The following MAML2 variants were observed in gnomAD, a reference collection of about 807,000 sequenced individuals.
MAML2 encodes mastermind-like protein 2.
Under a neutral mutation model 96.1 loss-of-function variants are expected in MAML2, and 22 were observed. That is an observed-to-expected ratio of 0.23 (90% CI 0.16 to 0.33). MAML2 has a LOEUF of 0.33. MAML2 is among the 10% of genes least tolerant of loss of function. The pLI is 1.00. For missense variants in MAML2, 1,367 were observed against 1,392.4 expected (o/e 0.98, Z 0.29); for synonymous variants, 561 against 521.3 (o/e 1.08, Z -1.04).
intron 1 of MAML2, among the ~76,000 whole-genome samples, chr11:96,325,102 A>T (rs970552835): frequency 2.4e-4 from 36 of 151,994 alleles, no homozygotes; most frequent in African/African-American, 8.5e-4. Flanking sequence ...CATGATTGCC[A>T]TTCTTTCTAG....
At chr11:96,093,563 C>T in intron 1 of MAML2, 46 bp from the exon 2 acceptor site, 3 of 1,248,110 alleles carry the variant, frequency 2.4e-6, no homozygotes, top group Non-Finnish European at 3.4e-6. Flanking sequence ...AAATATGAAT[C>T]CAATGATGCT....
At position 96,322,734 on chromosome 11, in the gene MAML2, T is replaced by C. The variant is rs189233855; in HGVS notation, c.513+18649A>G. Among the ~76,000 whole-genome samples the C allele has an allele frequency of 2.0e-3, 307 of 152,154 alleles. 3 individuals are homozygous for C. Among genetic ancestry groups the C allele is most frequent in the Admixed American group, 0.018 (276 of 15,296 alleles). On this transcript the variant is annotated intron_variant, in intron 1 of 4. Coordinates refer to ENST00000524717, the MANE Select transcript of MAML2 (RefSeq NM_032427.4). ...GAAAATGCCTAGATAGATAACAAAA[T>C]AGATAACAAAAGTCCAACGTAAAGG...
intron 1 of MAML2, among the ~76,000 whole-genome samples, chr11:96,200,688 A>G (rs1196541871): frequency 1.3e-5 from 2 of 152,146 alleles, no homozygotes; most frequent in Non-Finnish European, 2.9e-5. Flanking sequence ...GACTTTGACA[A>G]GTTAACATCT....
At chr11:96,213,870 G>A (rs375680621) in intron 1 of MAML2, among the ~76,000 whole-genome samples, 22 of 152,250 alleles carry the variant, frequency 1.4e-4, no homozygotes, top group African/African-American at 5.3e-4. Context: ...AAAAGTGGTC[G>A]GTTCCCTGGG....
chr11:95,978,378 G>A lies in MAML2; in HGVS notation c.*570C>T, dbSNP rs1213724295. 1 of 196,722 alleles carries A rather than the reference G, an allele frequency of 5.1e-6. No homozygotes were observed. The highest frequency in any genetic ancestry group is 8.0e-5 in the East Asian group (1 of 12,490). 12.2% of individuals were successfully genotyped at this position (196,722 alleles called of 1,614,324 possible). ...GGAGTGAATATGGGGAAGAAATTCT[G>A]TAATCCACTGGATGTTTTCTAGGTT... On this transcript the variant is annotated 3_prime_UTR_variant, in exon 5 of 5. Transcript: ENST00000524717.
chr11:96,153,209 G>A lies in MAML2; in HGVS notation c.514-59692C>T, dbSNP rs147766973. On this transcript the variant is annotated intron_variant, in intron 1 of 4. Coordinates refer to ENST00000524717, the MANE Select transcript of MAML2 (RefSeq NM_032427.4). ...GGTCCCAATTAGTCCAAAACAATGA[G>A]GCATCCCTTAATCCCAAATGACGCT... 3.2e-3 allele frequency among the ~76,000 whole-genome samples: 477 copies of A among 149,948 alleles called. 2 individuals carry two copies. Among genetic ancestry groups the A allele is most frequent in the Middle Eastern group, 0.01 (3 of 292 alleles).
chr11:96,331,218 A>G (rs370362514), intron 1 of MAML2, among the ~76,000 whole-genome samples: 1 of 152,092 alleles, frequency 6.6e-6, no homozygotes, highest in Non-Finnish European at 1.5e-5. Flanking sequence ...TGCAGTAAGC[A>G]GAGATTGTGC....
At chr11:96,172,004 A>G (rs547743405) in intron 1 of MAML2, among the ~76,000 whole-genome samples, 1 of 152,336 alleles carries the variant, frequency 6.6e-6, no homozygotes, top group African/African-American at 2.4e-5. Context: ...TTCCAACAAT[A>G]TTGTCCCACA....
At chr11:96,090,928 T>C (rs1432057588) in intron 2 of MAML2, among the ~76,000 whole-genome samples, 1 of 152,256 alleles carries the variant, frequency 6.6e-6, no homozygotes, top group East Asian at 1.9e-4. Flanking sequence ...TATAATGTGC[T>C]ATCTTTGTGC....
intron 1 of MAML2, among the ~76,000 whole-genome samples, chr11:96,284,972 G>A (rs1182952261): frequency 6.6e-6 from 1 of 152,140 alleles, no homozygotes; most frequent in Non-Finnish European, 1.5e-5. Context: ...GTATATGGCT[G>A]GATGGAGTTG....
intron 1 of MAML2, among the ~76,000 whole-genome samples, chr11:96,094,962 C>T (rs1460098496): frequency 6.6e-6 from 1 of 152,150 alleles, no homozygotes; most frequent in Non-Finnish European, 1.5e-5. Flanking sequence ...ATATCAAACA[C>T]TTGAATATGG....
chr11:96,295,866 C>T (rs1863289187), intron 1 of MAML2, among the ~76,000 whole-genome samples: 1 of 147,760 alleles, frequency 6.8e-6, no homozygotes. Flanking sequence ...CTTCATACAC[C>T]CTAAAACTGT....
rs1411637717 is a variant in MAML2 at position 96,135,401 on chromosome 11, A to G, written c.514-41884T>C. The stretch of plus-strand genomic sequence containing the variant: ...CTAAGACAATACATTATCTCATTTC[A>G]TCCTCACACCAGGCCTATCAGTTAG... On this transcript the variant is annotated intron_variant, in intron 1 of 4. Transcript: ENST00000524717. Among the ~76,000 whole-genome samples the G allele has an allele frequency of 2.0e-5, 3 of 152,142 alleles. No individual in the cohort carries two copies. In the East Asian group the frequency reaches 5.8e-4, roughly 29 times the overall value.
intron 1 of MAML2, among the ~76,000 whole-genome samples, chr11:96,268,567 G>A (rs1263957051): frequency 6.6e-6 from 1 of 152,180 alleles, no homozygotes; most frequent in African/African-American, 2.4e-5. Context: ...TACTTACAAG[G>A]AAAATTGGTA....
At chr11:96,332,628 A>C (rs1300586212) in intron 1 of MAML2, among the ~76,000 whole-genome samples, 1 of 152,238 alleles carries the variant, frequency 6.6e-6, no homozygotes, top group Non-Finnish European at 1.5e-5. Context: ...CGAAACAACC[A>C]AATGGGATAA....
intron 1 of MAML2, among the ~76,000 whole-genome samples, chr11:96,154,814 G>A (rs1371463096): frequency 6.6e-6 from 1 of 152,150 alleles, no homozygotes; most frequent in Non-Finnish European, 1.5e-5. Flanking sequence ...GAGCAGAAAG[G>A]GCACCTTAAC....
chr11:96,036,510 C>T (rs1424454150), intron 2 of MAML2, among the ~76,000 whole-genome samples: 4 of 152,138 alleles, frequency 2.6e-5, no homozygotes, highest in South Asian at 2.1e-4. Flanking sequence ...TTGCAGTGGA[C>T]GGTGAAAAAG....
chr11:96,214,242 T>C (rs546711833), intron 1 of MAML2, among the ~76,000 whole-genome samples: 4 of 152,348 alleles, frequency 2.6e-5, no homozygotes, highest in Admixed American at 2.6e-4. Context: ...TATAGGTCTT[T>C]TGAGGCCATG....
chr11:96,051,749 G>A (rs559828607), intron 2 of MAML2, among the ~76,000 whole-genome samples: 2 of 152,332 alleles, frequency 1.3e-5, no homozygotes, highest in East Asian at 1.9e-4. Flanking sequence ...CATTCAGGAG[G>A]CATCAGGAGA....
Sources: gnomAD v4.1 joint callset for allele counts (sites outside exome capture counted in the v4.1 genomes callset) on GRCh38, gnomAD v4.1.1 for gene constraint, MANE v1.5 for transcripts, NCBI Gene and HGNC (gene_info 2026-07-23, HGNC 2026-07-21) for gene names.